CPD: variants seen among roughly 807,000 people sequenced by gnomAD.
The protein encoded by CPD is metallocarboxypeptidase D.
CPD carries 69 observed loss-of-function variants against 138.3 expected under a neutral mutation model. The ratio of observed to expected loss-of-function variants is 0.50; its 90% CI spans 0.41 to 0.61. CPD has a LOEUF of 0.61. CPD is among the 20% of genes least tolerant of loss of function. The pLI is 0.00. For synonymous variants in CPD, 651 were observed against 642.1 expected, an observed-to-expected ratio of 1.01 and a Z score of -0.21; for missense variants, 1,432 against 1,733.3, an observed-to-expected ratio of 0.83 and a Z score of 3.09.
chr17:30,394,116 CTTTTT>C (rs35779169), intron 2 of CPD, among the ~76,000 whole-genome samples: 2 of 40,858 alleles, frequency 4.9e-5, no homozygotes, highest in African/African-American at 1.1e-4. Flanking sequence ...GCACTCCAGC[CTTTTT>C]TTTTTTTTTT....
Position 30,379,332 on chromosome 17 carries a change from G to A in CPD, c.352G>A (p.Gly118Arg). The change falls in exon 1 of 21, where the codon GGG (glycine) becomes AGG (arginine). Residue 118 changes from glycine (G) to arginine (R), a missense_variant. Physicochemically the swap from Gly to Arg is moderately radical, Grantham distance 125 (BLOSUM62 -2). Around this residue, in one of 6 missense-constraint regions of CPD, gnomAD observed 484 missense variants for 477.2 expected, o/e 1.01. Coordinates refer to ENST00000225719, the MANE Select transcript of CPD (RefSeq NM_001304.5). The surrounding 1 kb of genome is among the most constrained non-coding windows in gnomAD (Gnocchi z 7.0). ...GGGCGACGCGGGGCCTGACGCTGCCGGGCCCGACGCTGCGGGGCCGCTGCT... is the reference window on the plus strand; with the variant it reads ...GGGCGACGCGGGGCCTGACGCTGCCAGGCCCGACGCTGCGGGGCCGCTGCT... ...PEGDAGPDAAGPDAAGPLLPG... is the reference protein window; with the variant it reads ...PEGDAGPDAARPDAAGPLLPG... 2 of 1,490,196 alleles carry A rather than the reference G, an allele frequency of 1.3e-6. No homozygotes were observed. The highest frequency in any genetic ancestry group is 1.8e-6 in the Non-Finnish European group (2 of 1,127,972). 92.3% of individuals were successfully genotyped at this position (1,490,196 alleles called of 1,614,324 possible).
At position 30,461,193 on chromosome 17, in the gene CPD, C is replaced by G; in HGVS notation, c.3512C>G (p.Thr1171Ser). Residue 1171 changes from threonine to serine, a missense_variant, in exon 18 of 21, where the codon ACC (threonine) becomes AGC (serine). This residue lies in a region of CPD where 366 missense variants were observed against 518.8 expected (regional missense o/e 0.71). Transcript: ENST00000225719. Reference sequence around the variant, plus strand: ...TTTATATTCTAGGATTATAGTGTCACCTATGGCCATTGTCCGGAAATCACA... The same window carrying G: ...TTTATATTCTAGGATTATAGTGTCAGCTATGGCCATTGTCCGGAAATCACA... ...HLGSMKDYSV[T>S]YGHCPEITVY... 1 of 1,601,540 alleles carries G rather than the reference C, an allele frequency of 6.2e-7. No homozygotes were observed. The highest frequency in any genetic ancestry group is 8.5e-7 in the Non-Finnish European group (1 of 1,175,018).
chr17:30,456,378 T>TTGC (rs1399027209), intron 16 of CPD, 27 bp downstream of exon 16: 1 of 1,611,534 alleles, frequency 6.2e-7, no homozygotes, highest in East Asian at 2.2e-5. Flanking sequence ...CCTTTTGTTA[T>TTGC]TGCTGTTGTT....
intron 17 of CPD, 110 bp downstream of exon 17, chr17:30,456,636 G>A (rs1913305770): frequency 2.0e-6 from 2 of 999,806 alleles, no homozygotes; most frequent in South Asian, 1.3e-5. Context: ...GAGTTTGGGA[G>A]TTCAAGACCA....
At chr17:30,404,861 CTAT>C (rs1365989251) in intron 2 of CPD, among the ~76,000 whole-genome samples, 1 of 151,962 alleles carries the variant, frequency 6.6e-6, no homozygotes, top group Non-Finnish European at 1.5e-5. Context: ...ATCTATTCAT[CTAT>C]TATTCCTCTC....
In CPD at chr17:30,379,546, G is replaced by A. The variant is rs1416993383; in HGVS notation, c.566G>A (p.Arg189His). 1 of 1,552,454 alleles carries A rather than the reference G, an allele frequency of 6.4e-7. No homozygotes were observed. The highest frequency in any genetic ancestry group is 2.0e-5 in the Admixed American group (1 of 48,846). Reference sequence around the variant, plus strand: ...AGCCTCAACCCCGATGGCTTCGAGCGTGCCCGCGAGGGCGACTGTGGCTTC... The same window carrying A: ...AGCCTCAACCCCGATGGCTTCGAGCATGCCCGCGAGGGCGACTGTGGCTTC... ...LPSLNPDGFE[R>H]AREGDCGFGD... The change falls in exon 1 of 21, where the codon CGT (arginine) becomes CAT (histidine). Residue 189 changes from arginine (R) to histidine (H), a missense_variant. By Grantham distance (29) the Arg-to-His change is conservative. Coordinates refer to ENST00000225719, the MANE Select transcript of CPD (RefSeq NM_001304.5). This position sits in a 1 kb window ranked among gnomAD's most constrained non-coding sequence, Gnocchi z 7.0.
Position 30,379,049 on chromosome 17 carries a change from G to T in CPD, c.69G>T (p.Leu23=). The T allele has an allele frequency of 1.3e-6, 2 of 1,562,754 alleles. No homozygotes were observed. Among genetic ancestry groups the T allele is most frequent in the Non-Finnish European group, 8.6e-7 (1 of 1,161,600 alleles). The change falls in exon 1 of 21, where the codon CTG becomes CTT. Residue 23 remains leucine (L), a synonymous_variant. Coordinates refer to ENST00000225719, the MANE Select transcript of CPD (RefSeq NM_001304.5). This position sits in a 1 kb window ranked among gnomAD's most constrained non-coding sequence, Gnocchi z 7.0. Reference sequence around the variant, plus strand: ...GGCTCCTGTTGCTCATGTGCCTGCTGCTGCTGGGGAGCTCGGCCCGGGCGG... The same window carrying T: ...GGCTCCTGTTGCTCATGTGCCTGCTTCTGCTGGGGAGCTCGGCCCGGGCGG... ...LGRLLLLMCL[L]LLGSSARAAH...
At chr17:30,430,843 G>A (rs1912543144) in intron 7 of CPD, among the ~76,000 whole-genome samples, 1 of 151,718 alleles carries the variant, frequency 6.6e-6, no homozygotes, top group African/African-American at 2.4e-5. Context: ...TGTAGAGACA[G>A]GGTCTCCCAG....
At chr17:30,451,519 C>A (rs2143488841) in intron 13 of CPD, among the ~76,000 whole-genome samples, 192 bp from the exon 14 acceptor site, 1 of 152,258 alleles carries the variant, frequency 6.6e-6, no homozygotes, top group Non-Finnish European at 1.5e-5. Flanking sequence ...ATTAGCTGTA[C>A]AGTAGTTTTT....
In CPD at chr17:30,379,703, C is replaced by T. The variant is rs763507778; in HGVS notation, c.723C>T (p.Leu241=). The change falls in exon 1 of 21, where the codon CTC becomes CTT. Residue 241 remains leucine, a synonymous_variant. Transcript: ENST00000225719. The surrounding 1 kb of genome is among the most constrained non-coding windows in gnomAD (Gnocchi z 7.0). ...ALDEVPEVRA[L]IEWIRRNKFV... The stretch of plus-strand genomic sequence containing the variant: ...ACGAGGTGCCCGAGGTGCGCGCCCT[C>T]ATCGAGTGGATCCGCAGGAACAAGT... 8 of 1,504,742 alleles carry T rather than the reference C, an allele frequency of 5.3e-6. No homozygotes were observed. Among genetic ancestry groups the T allele is most frequent in the African/African-American group, 1.5e-5 (1 of 67,740 alleles). 93.2% of individuals were successfully genotyped at this position (1,504,742 alleles called of 1,614,324 possible). A position where few individuals can be genotyped will look rare whatever the true frequency, so the allele number is the denominator to read the frequency against.
chr17:30,405,182 T>C (rs1911774362), intron 2 of CPD, among the ~76,000 whole-genome samples: 1 of 152,132 alleles, frequency 6.6e-6, no homozygotes, highest in East Asian at 1.9e-4. Flanking sequence ...CTTCAATATT[T>C]AAAGGGGAAA....
At chr17:30,417,197 A>G (rs904991882) in intron 2 of CPD, among the ~76,000 whole-genome samples, 5 of 152,068 alleles carry the variant, frequency 3.3e-5, no homozygotes, top group African/African-American at 1.2e-4. Context: ...TAAGAATTCT[A>G]TAAGTTTTTT....
Position 30,442,522 on chromosome 17 carries a change from T to C in CPD, c.2373+72T>C, listed in dbSNP as rs1003201170. ...GATTTTTGTGCGTACACGTGGTTTTTGTGCAGTGATTTTGGAATACACTCT... is the reference window on the plus strand; with the variant it reads ...GATTTTTGTGCGTACACGTGGTTTTCGTGCAGTGATTTTGGAATACACTCT... On this transcript the variant is annotated intron_variant, in intron 10 of 20. Transcript: ENST00000225719. The C allele has an allele frequency of 4.8e-6, 7 of 1,471,462 alleles. No homozygotes were observed. The Middle Eastern group carries it at 1.2e-3, about 259-fold the overall frequency. 91.2% of individuals were successfully genotyped at this position (1,471,462 alleles called of 1,614,324 possible). A position where few individuals can be genotyped will look rare whatever the true frequency, so the allele number is the denominator to read the frequency against.
chr17:30,397,166 C>A (rs181294236), intron 2 of CPD, among the ~76,000 whole-genome samples: 7 of 152,176 alleles, frequency 4.6e-5, no homozygotes, highest in Admixed American at 3.9e-4. Context: ...CTTATATTTA[C>A]TATTTTATTA....
At chr17:30,405,710 T>C (rs755115647) in intron 2 of CPD, among the ~76,000 whole-genome samples, 55 of 152,156 alleles carry the variant, frequency 3.6e-4, no homozygotes, top group Non-Finnish European at 6.5e-4. Context: ...TTTAGTAATA[T>C]GGCAATGCAG....
intron 1 of CPD, chr17:30,380,404 A>T: frequency 1.9e-6 from 2 of 1,049,692 alleles, no homozygotes; most frequent in Non-Finnish European, 2.4e-6. Context: ...GCTTAAGAAG[A>T]TATGGACTTA....
chr17:30,379,809 A>G lies in CPD; in HGVS notation c.746+83A>G, dbSNP rs187036801. 6.2e-5 allele frequency: 63 copies of G among 1,008,108 alleles called. No individual in the cohort carries two copies. In the African/African-American group the frequency reaches 9.7e-4, roughly 15 times the overall value. The allele number at this position is 1,008,108 out of a possible 1,614,324, so 62.4% of individuals were successfully genotyped here. A position where few individuals can be genotyped will look rare whatever the true frequency, so the allele number is the denominator to read the frequency against. Reference sequence around the variant, plus strand: ...CCGGCACCCAGTAGGCGCTCAGACAATGCTGGCATAAGGGGTGGCGGTGGT... The same window carrying G: ...CCGGCACCCAGTAGGCGCTCAGACAGTGCTGGCATAAGGGGTGGCGGTGGT... On this transcript the variant is annotated intron_variant, in intron 1 of 20. Transcript: ENST00000225719. This position sits in a 1 kb window ranked among gnomAD's most constrained non-coding sequence, Gnocchi z 7.0.
At chr17:30,461,597 A>G (rs1418260868) in intron 18 of CPD, among the ~76,000 whole-genome samples, 1 of 152,182 alleles carries the variant, frequency 6.6e-6, no homozygotes, top group Non-Finnish European at 1.5e-5. Context: ...AAATCACTCA[A>G]GGCATTGGAA....
In CPD at chr17:30,442,381, T is replaced by C. The variant is rs61746216; in HGVS notation, c.2304T>C (p.Tyr768=). 4 of 1,613,338 alleles carry C rather than the reference T, an allele frequency of 2.5e-6. No homozygotes were observed. In the African/African-American group the frequency reaches 5.3e-5, roughly 22 times the overall value. Reference sequence around the variant, plus strand: ...CTATTGAACTAGGTTGTGTGAAATATCCACTTGAGAAAGAGCTGCCAAACT... The same window carrying C: ...CTATTGAACTAGGTTGTGTGAAATACCCACTTGAGAAAGAGCTGCCAAACT... The part of the protein sequence containing the change: ...EVTIELGCVK[Y]PLEKELPNFW... The change falls in exon 10 of 21, where the codon TAT becomes TAC. Residue 768 remains tyrosine (Y), a synonymous_variant. Transcript: ENST00000225719.
Sources: allele counts gnomAD v4.1 joint callset (sites outside exome capture counted in the v4.1 genomes callset), GRCh38; gene constraint gnomAD v4.1.1; regional missense constraint gnomAD v4.1.1; non-coding constraint Gnocchi (gnomAD v3.1); transcripts MANE v1.5; gene names NCBI Gene and HGNC (gene_info 2026-07-23, HGNC 2026-07-21).